The following UPRT variants were observed in gnomAD, a reference collection of about 807,000 sequenced individuals.
UPRT encodes RP11-311P8.3.
In UPRT, 5 loss-of-function variants were observed where a neutral mutation model predicts 22.6. That is an observed-to-expected ratio of 0.22 (90% CI 0.12 to 0.47). The LOEUF is 0.47. Ranked by LOEUF, UPRT falls within the 20% of genes least tolerant of loss-of-function variation. The probability of loss-of-function intolerance (pLI) is 0.99; values close to 1 mark genes in which losing one functional copy is unlikely to be tolerated. For missense variants in UPRT, 181 were observed against 239.9 expected, an observed-to-expected ratio of 0.75 and a Z score of 1.62; for synonymous variants, 77 against 87.7, an observed-to-expected ratio of 0.88 and a Z score of 0.68.
intron 4 of UPRT, among the ~76,000 whole-genome samples, chrX:75,188,153 T>G (rs1021766928): frequency 1.2e-4 from 13 of 111,872 alleles, no homozygotes; most frequent in Non-Finnish European, 2.4e-4. Flanking sequence ...TCTTTGTGGT[T>G]TTTATCTACT....
At chrX:75,230,308 C>T (rs1341140902) in intron 4 of UPRT, among the ~76,000 whole-genome samples, 2 of 111,575 alleles carry the variant, frequency 1.8e-5, no homozygotes, top group African/African-American at 6.5e-5. Flanking sequence ...CTACAGCCAC[C>T]TGATGATTTT....
At chrX:75,209,237 C>T (rs2082374083) in intron 4 of UPRT, among the ~76,000 whole-genome samples, 1 of 111,475 alleles carries the variant, frequency 9.0e-6, no homozygotes. Context: ...TTACCAGAGA[C>T]CGACAGCATT....
intron 4 of UPRT, among the ~76,000 whole-genome samples, chrX:75,209,373 CT>C (rs1156626304): frequency 2.7e-5 from 3 of 110,376 alleles, no homozygotes; most frequent in Admixed American, 9.6e-5. Context: ...GGTGTTGTTT[CT>C]TTTTTTCTTT....
chrX:75,176,422 A>G (rs780782235), intron 4 of UPRT, among the ~76,000 whole-genome samples: 1 of 111,702 alleles, frequency 9.0e-6, no homozygotes, highest in Non-Finnish European at 1.9e-5. Context: ...CGTCTCTCCA[A>G]GTGAGGTCAA....
At chrX:75,157,285 A>G (rs766764923) in intron 1 of UPRT, among the ~76,000 whole-genome samples, 228 of 112,325 alleles carry the variant, frequency 2.0e-3, no homozygotes, top group Non-Finnish European at 3.7e-3. Flanking sequence ...GGTACTTTGG[A>G]CTAGTAAGTC....
intron 4 of UPRT, among the ~76,000 whole-genome samples, chrX:75,235,679 A>T (rs977223031): frequency 2.7e-5 from 3 of 112,113 alleles, no homozygotes; most frequent in African/African-American, 9.7e-5. Context: ...GCATATAAAC[A>T]GAACCAAAGA....
chrX:75,169,661 T>C (rs1725377807), intron 4 of UPRT, among the ~76,000 whole-genome samples: 1 of 112,133 alleles, frequency 8.9e-6, no homozygotes, highest in Admixed American at 9.4e-5. Context: ...TTGATTTTCT[T>C]AAATTTATTA....
intron 4 of UPRT, among the ~76,000 whole-genome samples, chrX:75,171,942 G>C (rs1307875441): frequency 1.8e-5 from 2 of 111,816 alleles, no homozygotes; most frequent in Non-Finnish European, 3.8e-5. Flanking sequence ...ACTGTCTTCA[G>C]GTCTCTCAGC....
chrX:75,232,942 T>C (rs1378329129), intron 4 of UPRT, among the ~76,000 whole-genome samples: 4 of 112,169 alleles, frequency 3.6e-5, no homozygotes, highest in Non-Finnish European at 5.6e-5. Flanking sequence ...CGGAGAATGA[T>C]TTTGACGAGC....
intron 4 of UPRT, among the ~76,000 whole-genome samples, chrX:75,208,206 G>A (rs1187588963): frequency 8.9e-6 from 1 of 111,872 alleles, no homozygotes; most frequent in Non-Finnish European, 1.9e-5. Context: ...GCTACCTTGA[G>A]TCTTTGTGGG....
chrX:75,266,301 C>A (rs940102940), intron 4 of UPRT, among the ~76,000 whole-genome samples: 1 of 111,422 alleles, frequency 9.0e-6, no homozygotes, highest in Non-Finnish European at 1.9e-5. Context: ...CTACAACCAT[C>A]TGATCTTTGA....
chrX:75,199,783 G>A (rs1410324390), intron 4 of UPRT, among the ~76,000 whole-genome samples: 1 of 111,183 alleles, frequency 9.0e-6, no homozygotes. Context: ...TGAGATACAT[G>A]GGCAGAATGT....
intron 1 of UPRT, among the ~76,000 whole-genome samples, chrX:75,286,699 C>T (rs919706625): frequency 8.0e-5 from 9 of 111,838 alleles, no homozygotes; most frequent in African/African-American, 9.8e-5. Flanking sequence ...ACATATCAAT[C>T]GGAGTCACAG....
intron 4 of UPRT, among the ~76,000 whole-genome samples, chrX:75,266,706 A>G (rs1227297807): frequency 8.9e-6 from 1 of 111,795 alleles, no homozygotes. Flanking sequence ...CAAAGGGCTA[A>G]TATCCAGAAT....
At chrX:75,296,556 A>T in intron 3 of UPRT, 145 bp downstream of exon 3, 1 of 496,210 alleles carries the variant, frequency 2.0e-6, no homozygotes, top group Non-Finnish European at 3.2e-6. Context: ...TAAAAATAAA[A>T]CTCAGGCATT....
chrX:75,234,202 A>G (rs1360524367), intron 4 of UPRT, among the ~76,000 whole-genome samples: 2 of 111,658 alleles, frequency 1.8e-5, no homozygotes, highest in African/African-American at 3.3e-5. Flanking sequence ...CCATTACTCA[A>G]TGGTAAAGGG....
rs375423821 is a variant in UPRT at position 75,243,217 on chromosome X, T to A, written c.-446-47807T>A. ...ATGCTATCCATGACCTCTGTAACCA[T>A]GGAGAAGTTCAAGATCTTCTCTCAT... On this transcript the variant is annotated intron_variant, in intron 4 of 13. Coordinates refer to the UPRT transcript ENST00000652605. Among the ~76,000 whole-genome samples the A allele has an allele frequency of 3.3e-4, 37 of 111,571 alleles. 1 individual carries two copies. In the South Asian group the frequency reaches 0.014, roughly 41 times the overall value.
chrX:75,292,288 G>C (rs772789489), intron 1 of UPRT, among the ~76,000 whole-genome samples: 4 of 111,835 alleles, frequency 3.6e-5, no homozygotes, highest in African/African-American at 1.3e-4. Context: ...ACCACAGTAC[G>C]TGAAATTGAG....
chrX:75,181,443 A>G lies in UPRT; in HGVS notation c.-447+13564A>G, dbSNP rs553988872. Among the ~76,000 whole-genome samples the G allele has an allele frequency of 5.4e-5, 6 of 111,456 alleles. No individual in the cohort carries two copies. The East Asian group carries it at 1.1e-3, about 21-fold the overall frequency. On this transcript the variant is annotated intron_variant, in intron 4 of 13. Transcript: ENST00000652605. ...GAATCTGTAAATTGCTTTGGGTAGT[A>G]TGGCCATTTTGTCAGTATTGATGCT...
Sources: allele counts gnomAD v4.1 joint callset (sites outside exome capture counted in the v4.1 genomes callset), GRCh38; gene constraint gnomAD v4.1.1; transcripts MANE v1.5; gene names NCBI Gene and HGNC (gene_info 2026-07-23, HGNC 2026-07-21).